GRM7: variants seen among roughly 807,000 people sequenced by gnomAD.
The protein encoded by GRM7 is metabotropic glutamate receptor 7.
A neutral mutation model predicts 84.5 loss-of-function variants in GRM7; 35 were observed. The observed-to-expected ratio is 0.41, with a 90% CI of 0.32 to 0.55. The LOEUF (loss-of-function observed/expected upper bound fraction) is 0.55, where lower values mean the gene tolerates loss of function less well. Ranked by LOEUF, GRM7 falls within the 20% of genes least tolerant of loss-of-function variation. The probability of loss-of-function intolerance (pLI) is 0.19; values close to 1 mark genes in which losing one functional copy is unlikely to be tolerated. For missense variants in GRM7, 1,003 were observed against 1,194.6 expected (o/e 0.84, Z 2.36); for synonymous variants, 487 against 455.1 (o/e 1.07, Z -0.89).
intron 2 of GRM7, among the ~76,000 whole-genome samples, chr3:7,212,908 C>A (rs1465809432): frequency 1.3e-5 from 2 of 152,160 alleles, no homozygotes; most frequent in Non-Finnish European, 2.9e-5. Flanking sequence ...CCTAGTAAAG[C>A]CCAGTGAATA....
At chr3:7,521,897 A>G (rs1144017) in intron 7 of GRM7, among the ~76,000 whole-genome samples, 94,280 of 152,018 alleles carry the variant, frequency 0.62, 30,261 homozygotes, top group African/African-American at 0.8. Context: ...TGGATTGAAG[A>G]GAGGTAGATG....
At chr3:7,215,533 T>C (rs1848452) in intron 2 of GRM7, among the ~76,000 whole-genome samples, 2,082 of 151,854 alleles carry the variant, frequency 0.014, 50 homozygotes, top group African/African-American at 0.046. Context: ...GGCGTGGTGG[T>C]GGGCGCCTGT....
intron 5 of GRM7, among the ~76,000 whole-genome samples, chr3:7,416,539 A>G (rs1696167537): frequency 6.6e-6 from 1 of 152,150 alleles, no homozygotes; most frequent in Non-Finnish European, 1.5e-5. Flanking sequence ...CAGGAACACC[A>G]TGAAGTCTTT....
intron 7 of GRM7, among the ~76,000 whole-genome samples, chr3:7,496,785 A>G (rs1354063940): frequency 6.6e-6 from 1 of 151,888 alleles, no homozygotes; most frequent in African/African-American, 2.4e-5. Flanking sequence ...AGATATAAAA[A>G]TATATAGATA....
chr3:7,548,079 C>A (rs952571358), intron 7 of GRM7, among the ~76,000 whole-genome samples: 3 of 152,214 alleles, frequency 2.0e-5, no homozygotes, highest in Non-Finnish European at 4.4e-5. Flanking sequence ...AGTATAACTG[C>A]TGTAGTTTGG....
At chr3:7,488,574 T>C (rs1699406637) in intron 7 of GRM7, among the ~76,000 whole-genome samples, 1 of 152,222 alleles carries the variant, frequency 6.6e-6, no homozygotes, top group Admixed American at 6.5e-5. Flanking sequence ...TACACATTCC[T>C]GCTTCATCTT....
At chr3:7,186,895 AGAC>A (rs1695534261) in intron 2 of GRM7, among the ~76,000 whole-genome samples, 1 of 152,148 alleles carries the variant, frequency 6.6e-6, no homozygotes, top group Non-Finnish European at 1.5e-5. Flanking sequence ...CAAGTGTCTA[AGAC>A]AATACGTTTC....
At chr3:7,086,485 A>G (rs985720200) in intron 1 of GRM7, among the ~76,000 whole-genome samples, 1 of 152,190 alleles carries the variant, frequency 6.6e-6, no homozygotes, top group South Asian at 2.1e-4. Context: ...TTGGGTTTCT[A>G]GAAGGCAAAA....
intron 8 of GRM7, among the ~76,000 whole-genome samples, chr3:7,671,487 CT>C (rs1277593620): frequency 1.3e-5 from 2 of 151,878 alleles, no homozygotes; most frequent in African/African-American, 4.8e-5. Context: ...GAGCGCTCGC[CT>C]TACGTCTATC....
chr3:7,216,162 T>G (rs987968680), intron 2 of GRM7, among the ~76,000 whole-genome samples: 2 of 152,238 alleles, frequency 1.3e-5, no homozygotes, highest in Non-Finnish European at 2.9e-5. Flanking sequence ...TGTCTGCTAT[T>G]TCTGTCACTT....
At chr3:7,154,852 C>T (rs1321862954) in intron 2 of GRM7, among the ~76,000 whole-genome samples, 1 of 152,092 alleles carries the variant, frequency 6.6e-6, no homozygotes, top group Non-Finnish European at 1.5e-5. Flanking sequence ...ATTCAGCCTT[C>T]AAGGTGAAGC....
chr3:7,232,849 A>G (rs763742643), intron 2 of GRM7, among the ~76,000 whole-genome samples: 1 of 152,174 alleles, frequency 6.6e-6, no homozygotes, highest in Non-Finnish European at 1.5e-5. Context: ...ATGAGCTTGC[A>G]GGTCTACTAA....
chr3:7,235,393 G>C (rs973843204), intron 2 of GRM7, among the ~76,000 whole-genome samples: 3 of 152,062 alleles, frequency 2.0e-5, no homozygotes, highest in Non-Finnish European at 2.9e-5. Context: ...TAAGCATCTC[G>C]GAAAAGATCT....
chr3:7,363,796 G>A (rs1046979671), intron 4 of GRM7, among the ~76,000 whole-genome samples: 4 of 151,946 alleles, frequency 2.6e-5, no homozygotes, highest in Non-Finnish European at 4.4e-5. Flanking sequence ...TTCAACCCTT[G>A]ATATCATTAG....
intron 1 of GRM7, among the ~76,000 whole-genome samples, chr3:6,887,185 CTCTT>C (rs745783857): frequency 9.9e-5 from 15 of 151,716 alleles, no homozygotes; most frequent in Admixed American, 2.6e-4. Context: ...AAAGTTGACT[CTCTT>C]TATTTTTTTT....
intron 1 of GRM7, among the ~76,000 whole-genome samples, chr3:7,003,957 A>G (rs1695097650): frequency 6.6e-6 from 1 of 152,170 alleles, no homozygotes; most frequent in Non-Finnish European, 1.5e-5. Flanking sequence ...ATGCACTCAC[A>G]TATCAAGCAA....
intron 4 of GRM7, among the ~76,000 whole-genome samples, chr3:7,395,101 A>G (rs573860798): frequency 2.0e-4 from 31 of 151,936 alleles, no homozygotes; most frequent in Non-Finnish European, 3.2e-4. Context: ...CTGGAGATTC[A>G]GTTCCCATGT....
At chr3:7,173,403 C>T (rs1253723138) in intron 2 of GRM7, among the ~76,000 whole-genome samples, 3 of 152,122 alleles carry the variant, frequency 2.0e-5, no homozygotes, top group Admixed American at 1.3e-4. Context: ...TCCACCCCAT[C>T]CCTCTTTTGG....
At chr3:7,525,661 G>A (rs781773526) in intron 7 of GRM7, among the ~76,000 whole-genome samples, 1 of 152,046 alleles carries the variant, frequency 6.6e-6, no homozygotes, top group African/African-American at 2.4e-5. Flanking sequence ...ACCCAAATAA[G>A]GAACACAGTA....
Sources: gnomAD v4.1 joint callset for allele counts (sites outside exome capture counted in the v4.1 genomes callset) on GRCh38, gnomAD v4.1.1 for gene constraint, MANE v1.5 for transcripts, NCBI Gene and HGNC (gene_info 2026-07-23, HGNC 2026-07-21) for gene names.